Variants in PRKD3 observed in about 807,000 individuals in gnomAD.
PRKD3 encodes protein kinase D3, also known as serine/threonine-protein kinase D3.
In PRKD3, 47 loss-of-function variants were observed where a neutral mutation model predicts 99.2. The observed-to-expected ratio is 0.47, with a 90% CI of 0.38 to 0.60. PRKD3 has a LOEUF of 0.60. Among genes scored for constraint, PRKD3 ranks in the 20% least tolerant of loss-of-function variants. The probability of loss-of-function intolerance (pLI) is 0.00; values close to 1 mark genes in which losing one functional copy is unlikely to be tolerated. For missense variants in PRKD3, 1,019 were observed against 1,088.4 expected (o/e 0.94, Z 0.90); for synonymous variants, 392 against 355.4 (o/e 1.10, Z -1.16).
At chr2:37,282,257 G>T in intron 7 of PRKD3, 2 of 338,192 alleles carry the variant, frequency 5.9e-6, no homozygotes, top group Non-Finnish European at 5.5e-6. Flanking sequence ...ACAAGAGCAG[G>T]GTTTTAAAAC....
At chr2:37,257,645 G>A (rs894856590) in intron 16 of PRKD3, among the ~76,000 whole-genome samples, 7 of 131,770 alleles carry the variant, frequency 5.3e-5, no homozygotes, top group South Asian at 5.1e-4. Flanking sequence ...CAGCCTGGGC[G>A]ACAGAGTGAA....
At position 37,267,678 on chromosome 2, in the gene PRKD3, C is replaced by T. The variant is rs546130660; in HGVS notation, c.1778-142G>A. The T allele has an allele frequency of 3.3e-5, 21 of 635,560 alleles. No individual in the cohort carries two copies. In the African/African-American group the frequency reaches 4.0e-4, roughly 12 times the overall value. 39.4% of individuals were successfully genotyped at this position (635,560 alleles called of 1,614,324 possible). A position where few individuals can be genotyped will look rare whatever the true frequency, so the allele number is the denominator to read the frequency against. On this transcript the variant is annotated intron_variant, in intron 13 of 18. Coordinates refer to ENST00000234179, the MANE Select transcript of PRKD3 (RefSeq NM_005813.6). The stretch of plus-strand genomic sequence containing the variant: ...TGTTCTTTCTCCACACTCCTTCACT[C>T]ACCTTTAATTTAGGAAAAAATTGTT...
At chr2:37,320,424 T>C (rs895206540) in intron 1 of PRKD3, among the ~76,000 whole-genome samples, 3 of 24,800 alleles carry the variant, frequency 1.2e-4, no homozygotes, top group Non-Finnish European at 1.5e-4. Context: ...AGTTAACGAC[T>C]TTTTTTTTTT....
intron 7 of PRKD3, chr2:37,282,299 T>C (rs1269077384): frequency 2.6e-5 from 12 of 456,066 alleles, no homozygotes; most frequent in Middle Eastern, 5.9e-4. Flanking sequence ...TGAAAGAGGA[T>C]ATGGAGTACC....
intron 17 of PRKD3, 57 bp from the exon 18 acceptor site, chr2:37,254,346 TTG>T: frequency 1.5e-6 from 2 of 1,360,402 alleles, no homozygotes; most frequent in Non-Finnish European, 2.1e-6. Flanking sequence ...TACCCCAAAC[TTG>T]TGACTGCCTA....
rs139164964 is a variant in PRKD3 at position 37,291,687 on chromosome 2, G to A, written c.428-688C>T. On this transcript the variant is annotated intron_variant, in intron 3 of 18. Transcript: ENST00000234179. ...TTGTTGTATAGAAGATGAATGATCA[G>A]TGTAGCAGGGAGTGAGATGAATGAG... Among the ~76,000 whole-genome samples the A allele has an allele frequency of 4.1e-3, 628 of 152,330 alleles. 3 individuals are homozygous for A. The highest frequency in any genetic ancestry group is 5.1e-3 in the Non-Finnish European group (350 of 68,034).
At chr2:37,290,331 C>T (rs1670345167) in intron 4 of PRKD3, among the ~76,000 whole-genome samples, 1 of 152,116 alleles carries the variant, frequency 6.6e-6, no homozygotes, top group Admixed American at 6.5e-5. Flanking sequence ...CAGGCAGGTT[C>T]AAGCGATTCT....
At chr2:37,319,754 T>C (rs1671799188) in intron 1 of PRKD3, among the ~76,000 whole-genome samples, 1 of 125,318 alleles carries the variant, frequency 8.0e-6, no homozygotes. Flanking sequence ...GCCATACTGA[T>C]TTAAAAAAAA....
intron 14 of PRKD3, among the ~76,000 whole-genome samples, chr2:37,264,131 C>T (rs926565265): frequency 6.6e-6 from 1 of 152,156 alleles, no homozygotes; most frequent in Non-Finnish European, 1.5e-5. Context: ...TCCTGCTCTA[C>T]AACATCCTCC....
At chr2:37,253,401 C>A in intron 18 of PRKD3, 51 bp from the exon 19 acceptor site, 2 of 1,490,036 alleles carry the variant, frequency 1.3e-6, no homozygotes, top group South Asian at 2.6e-5. Context: ...AAAATACTGT[C>A]AACCTGGTTT....
intron 8 of PRKD3, 65 bp downstream of exon 8, chr2:37,279,681 T>C (rs994147021): frequency 3.5e-5 from 47 of 1,338,958 alleles, no homozygotes; most frequent in Non-Finnish European, 4.6e-5. Flanking sequence ...GACGTGGCTT[T>C]TTCTTAATGA....
At chr2:37,268,468 AAAG>A (rs2148520677) in intron 13 of PRKD3, 1 of 398,060 alleles carries the variant, frequency 2.5e-6, no homozygotes, top group Non-Finnish European at 5.0e-6. Context: ...CTAGGAATAC[AAAG>A]AAGATCCAGA....
In PRKD3 at chr2:37,274,657, C is replaced by T; in HGVS notation, c.1415G>A (p.Arg472Gln). 1 of 1,613,760 alleles carries T rather than the reference C, an allele frequency of 6.2e-7. No homozygotes were observed. The highest frequency in any genetic ancestry group is 8.5e-7 in the Non-Finnish European group (1 of 1,179,870). ...GCCTTGTGAAATGTTTGTGAAATCT[C>T]GTGGTGAAGATATGCGGAGAATTTC... Reference protein sequence around the residue: ...LSEILRISSPRDFTNISQGSN... With the variant: ...LSEILRISSPQDFTNISQGSN... The change falls in exon 11 of 19, where the codon CGA (arginine) becomes CAA (glutamine). Residue 472 changes from arginine (R) to glutamine (Q), a missense_variant. Physicochemically the swap from Arg to Gln is conservative, Grantham distance 43. Around this residue, in one of 3 missense-constraint regions of PRKD3, gnomAD observed 710 missense variants for 692.7 expected, o/e 1.02. Transcript: ENST00000234179.
At chr2:37,275,907 T>C in intron 9 of PRKD3, 63 bp from the exon 10 acceptor site, 1 of 1,533,286 alleles carries the variant, frequency 6.5e-7, no homozygotes, top group South Asian at 1.3e-5. Context: ...TGCTTGTACC[T>C]AACTTTTCCC....
chr2:37,315,692 G>C (rs1435859844), intron 2 of PRKD3, among the ~76,000 whole-genome samples: 1 of 152,186 alleles, frequency 6.6e-6, no homozygotes, highest in Non-Finnish European at 1.5e-5. Flanking sequence ...AAACAGAAGA[G>C]TGATACTTTA....
At chr2:37,278,889 T>C (rs1417180488) in intron 8 of PRKD3, 15 of 151,764 alleles carry the variant, frequency 9.9e-5, no homozygotes, top group Admixed American at 5.9e-4. Context: ...TGAGTGGAGA[T>C]TGTGCCACTG....
chr2:37,279,519 ACG>A (rs1266853048), intron 8 of PRKD3: 85 of 260,908 alleles, frequency 3.3e-4, no homozygotes, highest in East Asian at 1.4e-3. Flanking sequence ...AAAACAAAAA[ACG>A]AAAAAAAAAA....
At chr2:37,262,479 C>T (rs1668538451) in intron 14 of PRKD3, among the ~76,000 whole-genome samples, 1 of 151,958 alleles carries the variant, frequency 6.6e-6, no homozygotes. Context: ...CATTTTAAAC[C>T]CATTTTATGA....
chr2:37,289,593 T>G, intron 4 of PRKD3, 80 bp from the exon 5 acceptor site: 1 of 1,179,210 alleles, frequency 8.5e-7, no homozygotes, highest in Non-Finnish European at 1.2e-6. Context: ...AACCACTGCT[T>G]CTTTTATTTA....
Sources: gnomAD v4.1 joint callset for allele counts (sites outside exome capture counted in the v4.1 genomes callset) on GRCh38, gnomAD v4.1.1 for gene constraint, gnomAD v4.1.1 regional missense constraint, MANE v1.5 for transcripts, NCBI Gene and HGNC (gene_info 2026-07-23, HGNC 2026-07-21) for gene names.